Variants in TIAM2 observed in about 807,000 individuals in gnomAD.
TIAM2 encodes the protein TIAM Rac1 associated GEF 2, also known as rho guanine nucleotide exchange factor TIAM2.
In TIAM2, 80 loss-of-function variants were observed where a neutral mutation model predicts 152.9. The ratio of observed to expected loss-of-function variants is 0.52; its 90% CI spans 0.44 to 0.63. The LOEUF is 0.63. TIAM2 is among the 30% of genes least tolerant of loss of function. The pLI is 0.00. For synonymous variants in TIAM2, 804 were observed against 838.0 expected, an observed-to-expected ratio of 0.96 and a Z score of 0.70; for missense variants, 1,965 against 2,120.1, an observed-to-expected ratio of 0.93 and a Z score of 1.44.
At chr6:155,085,337 G>T in intron 1 of TIAM2, among the ~76,000 whole-genome samples, 1 of 152,184 alleles carries the variant, frequency 6.6e-6, no homozygotes, top group East Asian at 1.9e-4. Context: ...TTACGTAGAG[G>T]TGGGAGGCAT....
At chr6:155,189,330 T>A (rs1562347760) in intron 14 of TIAM2, among the ~76,000 whole-genome samples, 1 of 152,158 alleles carries the variant, frequency 6.6e-6, no homozygotes, top group Non-Finnish European at 1.5e-5. Flanking sequence ...CATATTAGTG[T>A]TCCTAAAGAT....
intron 24 of TIAM2, 57 bp from the exon 25 acceptor site, chr6:155,253,916 T>TA (rs1258772190): frequency 1.4e-6 from 2 of 1,395,314 alleles, no homozygotes; most frequent in Non-Finnish European, 2.0e-6. Context: ...CAAGTGTTCT[T>TA]AACCACAGCA....
chr6:155,056,475 A>G (rs997041016), intron 1 of TIAM2, among the ~76,000 whole-genome samples: 1 of 149,968 alleles, frequency 6.7e-6, no homozygotes, highest in Admixed American at 6.7e-5. Context: ...CCTGGCCCTT[A>G]TGGTTCTTCT....
intron 12 of TIAM2, among the ~76,000 whole-genome samples, chr6:155,180,220 A>T (rs1247298604): frequency 6.6e-6 from 1 of 152,234 alleles, no homozygotes; most frequent in African/African-American, 2.4e-5. Context: ...CAGAGGTTGC[A>T]GTGAGCCGTA....
At chr6:155,165,768 A>G (rs1328495685) in intron 9 of TIAM2, among the ~76,000 whole-genome samples, 1 of 152,144 alleles carries the variant, frequency 6.6e-6, no homozygotes, top group Non-Finnish European at 1.5e-5. Flanking sequence ...AGCCTGAGTG[A>G]CAGAGCGAGA....
intron 2 of TIAM2, among the ~76,000 whole-genome samples, chr6:155,115,438 C>T (rs1422739550): frequency 1.3e-5 from 2 of 151,696 alleles, no homozygotes; most frequent in Non-Finnish European, 1.5e-5. Context: ...TCCTTGAGCC[C>T]AGGAGTTGAA....
intron 15 of TIAM2, among the ~76,000 whole-genome samples, chr6:155,233,455 G>A (rs1562364313): frequency 1.3e-5 from 2 of 152,126 alleles, no homozygotes; most frequent in Admixed American, 1.3e-4. Context: ...GGGTCTGGGC[G>A]AGCTGCTTGA....
At chr6:154,997,145 C>G (rs2114830407) in intron 1 of TIAM2, among the ~76,000 whole-genome samples, 1 of 152,300 alleles carries the variant, frequency 6.6e-6, no homozygotes, top group Non-Finnish European at 1.5e-5. Flanking sequence ...TATTTCCAGA[C>G]CATTGTTTGG....
chr6:155,170,790 AT>A lies in TIAM2; in HGVS notation c.2361+5384del, dbSNP rs199838297. On this transcript the variant is annotated intron_variant, in intron 9 of 26. Coordinates refer to ENST00000682666, the MANE Select transcript of TIAM2 (RefSeq NM_012454.4). ...AGTGAGAAGAAACTATGATTTCTGCATTTGTTTTACTCCTATTTGTTTTAGC... is the reference window on the plus strand; with the variant it reads ...AGTGAGAAGAAACTATGATTTCTGCATTGTTTTACTCCTATTTGTTTTAGC... 9.3e-4 allele frequency among the ~76,000 whole-genome samples: 141 copies of A among 152,278 alleles called. 2 individuals carry two copies. The East Asian group carries it at 9.8e-3, about 11-fold the overall frequency.
chr6:155,181,340 C>T lies in TIAM2; in HGVS notation c.2708-886C>T, dbSNP rs184051274. 9.9e-5 allele frequency among the ~76,000 whole-genome samples: 15 copies of T among 152,236 alleles called. No individual in the cohort carries two copies. In the East Asian group the frequency reaches 2.9e-3, roughly 29 times the overall value. ...CCGTATTCATCCAAGCATTTTTTCA[C>T]CTTCTTAAAATGCTCAACCCCAAAC... is the stretch of plus-strand genomic sequence containing the variant. On this transcript the variant is annotated intron_variant, in intron 12 of 26. Coordinates refer to ENST00000682666, the MANE Select transcript of TIAM2 (RefSeq NM_012454.4).
intron 1 of TIAM2, among the ~76,000 whole-genome samples, chr6:155,047,669 A>AGGG (rs1777209518): frequency 1.5e-4 from 4 of 27,452 alleles, no homozygotes; most frequent in Admixed American, 3.7e-4. Context: ...GAGAGAGAGG[A>AGGG]GAGAGAGAGA....
chr6:155,147,192 AT>A (rs1779837707), intron 6 of TIAM2, among the ~76,000 whole-genome samples: 1 of 80,320 alleles, frequency 1.2e-5, no homozygotes, highest in South Asian at 3.6e-4. Flanking sequence ...TTTTTTTTGT[AT>A]TGAGGCCATA....
Position 155,250,079 on chromosome 6 carries a change from A to T in TIAM2, c.3951+110A>T, listed in dbSNP as rs946505736. 8 of 714,150 alleles carry T rather than the reference A, an allele frequency of 1.1e-5. No homozygotes were observed. In the African/African-American group the frequency reaches 1.4e-4, roughly 13 times the overall value. 44.2% of individuals were successfully genotyped at this position (714,150 alleles called of 1,614,324 possible). ...GACTTTCCTGGAGGAGAAAATGCCTAAGATTTTTCTTGATAACAATGTGTC... is the reference window on the plus strand; with the variant it reads ...GACTTTCCTGGAGGAGAAAATGCCTTAGATTTTTCTTGATAACAATGTGTC... On this transcript the variant is annotated intron_variant, in intron 21 of 26. Transcript: ENST00000682666.
At chr6:155,097,962 T>C (rs971820619) in intron 2 of TIAM2, among the ~76,000 whole-genome samples, 2 of 152,224 alleles carry the variant, frequency 1.3e-5, no homozygotes, top group East Asian at 3.8e-4. Context: ...GATGAGTTGG[T>C]TATAAATGTG....
chr6:155,044,187 T>C (rs1388372102), intron 1 of TIAM2, among the ~76,000 whole-genome samples: 2 of 152,186 alleles, frequency 1.3e-5, no homozygotes, highest in African/African-American at 4.8e-5. Context: ...TTCACTGTTT[T>C]TCACAGAAGA....
chr6:155,226,665 C>T (rs1348102512), intron 15 of TIAM2, among the ~76,000 whole-genome samples: 1 of 48,230 alleles, frequency 2.1e-5, no homozygotes, highest in Non-Finnish European at 3.9e-5. Flanking sequence ...AACTGCATCT[C>T]GGGTGGGGGC....
At position 155,186,386 on chromosome 6, in the gene TIAM2, T is replaced by A. The variant is rs1218056528; in HGVS notation, c.3064+2886T>A. The stretch of plus-strand genomic sequence containing the variant: ...CCCCAGCTGTACACAGCAGCCTCGC[T>A]TTCACACCTCCCATGGGCTTCCTGC... On this transcript the variant is annotated intron_variant, in intron 14 of 26. Transcript: ENST00000682666. This position sits in a 1 kb window ranked among gnomAD's most constrained non-coding sequence, Gnocchi z 4.5. Among the ~76,000 whole-genome samples the A allele has an allele frequency of 6.6e-6, 1 of 152,010 alleles. No homozygotes were observed. The highest frequency in any genetic ancestry group is 2.4e-5 in the African/African-American group (1 of 41,400).
chr6:155,157,650 C>T (rs1368128206), intron 7 of TIAM2, among the ~76,000 whole-genome samples: 1 of 152,040 alleles, frequency 6.6e-6, no homozygotes, highest in African/African-American at 2.4e-5. Flanking sequence ...TAACTGATTG[C>T]GCCACTGGAG....
chr6:155,256,592 G>C lies in TIAM2; in HGVS notation c.4577G>C (p.Gly1526Ala). The change falls in exon 27 of 27, where the codon GGC (glycine) becomes GCC (alanine). Residue 1526 changes from glycine to alanine, a missense_variant. By Grantham distance (60) the Gly-to-Ala change is moderately conservative. This residue lies in a region of TIAM2 where 935 missense variants were observed against 980.0 expected (regional missense o/e 0.95). Transcript: ENST00000682666. ...TCTGACGAGGGCAGCTTGAGCAGCG[G>C]CACCCAGAGCAGCGGCTGCCCCACG... The part of the protein sequence containing the change: ...LDSDEGSLSS[G>A]TQSSGCPTAE... The C allele has an allele frequency of 6.2e-7, 1 of 1,614,066 alleles. No individual in the cohort carries two copies. The highest frequency in any genetic ancestry group is 8.5e-7 in the Non-Finnish European group (1 of 1,179,940).
Sources: allele counts gnomAD v4.1 joint callset (sites outside exome capture counted in the v4.1 genomes callset), GRCh38; gene constraint gnomAD v4.1.1; regional missense constraint gnomAD v4.1.1; non-coding constraint Gnocchi (gnomAD v3.1); transcripts MANE v1.5; gene names NCBI Gene and HGNC (gene_info 2026-07-23, HGNC 2026-07-21).